SLC5A12: variants seen among roughly 807,000 people sequenced by gnomAD.
SLC5A12 encodes the protein solute carrier family 5 member 12.
In SLC5A12, 46 loss-of-function variants were observed where a neutral mutation model predicts 72.7. The ratio of observed to expected loss-of-function variants is 0.63; its 90% CI spans 0.50 to 0.81. SLC5A12 has a LOEUF of 0.81. SLC5A12 is among the 30% of genes least tolerant of loss of function. The pLI is 0.00. For synonymous variants in SLC5A12, 275 were observed against 264.4 expected (o/e 1.04, Z -0.39); for missense variants, 683 against 740.7 (o/e 0.92, Z 0.90).
chr11:26,680,919 G>T (rs151213988), intron 12 of SLC5A12, 136 bp downstream of exon 12: 4 of 786,000 alleles, frequency 5.1e-6, no homozygotes, highest in Non-Finnish European at 7.3e-6. Flanking sequence ...GCACTCTTCA[G>T]TGCTGGGTAC....
intron 12 of SLC5A12, among the ~76,000 whole-genome samples, chr11:26,679,363 A>G (rs1780062655): frequency 6.6e-6 from 1 of 152,170 alleles, no homozygotes; most frequent in African/African-American, 2.4e-5. Flanking sequence ...AGGGCCAGGA[A>G]TTAGCATTCT....
chr11:26,676,592 G>A (rs1854273143), intron 13 of SLC5A12, among the ~76,000 whole-genome samples: 1 of 151,960 alleles, frequency 6.6e-6, no homozygotes. Context: ...GGGATGTTTT[G>A]GCCACTTGAT....
rs369703011 is a variant in SLC5A12 at position 26,721,489 on chromosome 11, G to A, written c.226C>T (p.Arg76Cys). ...TVLGTPSEVY[R>C]FGASFLVFFI... ...AAGACTAGGAAGGATGCCCCAAAGCGGTAGACTTCAGAAGGGGTCCCCAGG... is the reference window on the plus strand; with the variant it reads ...AAGACTAGGAAGGATGCCCCAAAGCAGTAGACTTCAGAAGGGGTCCCCAGG... Residue 76 changes from arginine to cysteine, a missense_variant, in exon 1 of 15, where the codon CGC becomes TGC. Coordinates refer to ENST00000396005, the MANE Select transcript of SLC5A12 (RefSeq NM_178498.4). 65 of 1,614,014 alleles carry A rather than the reference G, an allele frequency of 4.0e-5. No individual in the cohort carries two copies. The highest frequency in any genetic ancestry group is 3.1e-4 in the East Asian group (14 of 44,864).
chr11:26,709,397 A>C lies in SLC5A12; in HGVS notation c.458-18T>G. 6.3e-7 allele frequency: 1 copy of C among 1,591,188 alleles called. No individual in the cohort carries two copies. The highest frequency in any genetic ancestry group is 8.6e-7 in the Non-Finnish European group (1 of 1,166,580). On this transcript the variant is annotated intron_variant, in intron 3 of 14. Coordinates refer to ENST00000396005, the MANE Select transcript of SLC5A12 (RefSeq NM_178498.4). ...CCCAGTCACTAGGAAAGAAGAAAAA[A>C]ATATTAAAAGAAGTTTCCTTCAAAA...
intron 7 of SLC5A12, among the ~76,000 whole-genome samples, chr11:26,698,079 G>T (rs1163804784): frequency 6.6e-6 from 1 of 151,740 alleles, no homozygotes; most frequent in East Asian, 2.0e-4. Context: ...TGTACTTTTA[G>T]TAGAGACGAT....
chr11:26,718,620 T>TTGTG lies in SLC5A12; in HGVS notation c.339+2752_339+2755dup, dbSNP rs10578471. 4.9e-4 allele frequency among the ~76,000 whole-genome samples: 74 copies of TTGTG among 149,710 alleles called. 1 individual carries two copies. Among genetic ancestry groups the TTGTG allele is most frequent in the African/African-American group, 1.7e-3 (71 of 40,608 alleles). On this transcript the variant is annotated intron_variant, in intron 1 of 14. Transcript: ENST00000396005. ...TGTGCGCCACCATGCCTGGCTAATT[T>TTGTG]TGTGTGTGTGTGTGTGTGTGTGTGT...
chr11:26,716,167 A>G (rs1291565264), intron 1 of SLC5A12: 1 of 152,204 alleles, frequency 6.6e-6, no homozygotes, highest in African/African-American at 2.4e-5. Flanking sequence ...GGCTATTGCT[A>G]TAGGGATCTT....
intron 9 of SLC5A12, among the ~76,000 whole-genome samples, chr11:26,687,239 GT>G (rs1854559205): frequency 6.6e-6 from 1 of 151,282 alleles, no homozygotes; most frequent in African/African-American, 2.4e-5. Context: ...AAAAGTCATT[GT>G]TTTTATACAT....
rs1854880818 is a variant in SLC5A12 at position 26,698,463 on chromosome 11, G to A, written c.894C>T (p.Tyr298=). The change falls in exon 7 of 15, where the codon TAC becomes TAT. Residue 298 remains tyrosine, a synonymous_variant. Coordinates refer to ENST00000396005, the MANE Select transcript of SLC5A12 (RefSeq NM_178498.4). Reference sequence around the variant, plus strand: ...AAGGGTCACAGTCTTTAAAGTGAGAGTACATGATTAAGCCAGAGAAGACAG... The same window carrying A: ...AAGGGTCACAGTCTTTAAAGTGAGAATACATGATTAAGCCAGAGAAGACAG... The part of the protein sequence containing the change: ...VCAVFSGLIM[Y]SHFKDCDPWT... The A allele has an allele frequency of 1.2e-6, 2 of 1,613,908 alleles. No homozygotes were observed. Among genetic ancestry groups the A allele is most frequent in the African/African-American group, 2.7e-5 (2 of 74,900 alleles).
intron 1 of SLC5A12, among the ~76,000 whole-genome samples, chr11:26,716,734 G>T (rs1226313776): frequency 2.0e-5 from 3 of 151,902 alleles, no homozygotes; most frequent in African/African-American, 7.3e-5. Flanking sequence ...CTGGGTGCTT[G>T]CCCCCCACTT....
Position 26,680,306 on chromosome 11 carries a change from T to TATATATATACGTATATATATTC in SLC5A12, c.1475+748_1475+749insGAATATATATACGTATATATAT, listed in dbSNP as rs1854366251. Among the ~76,000 whole-genome samples the TATATATATACGTATATATATTC allele has an allele frequency of 2.3e-4, 5 of 21,306 alleles. 1 individual carries two copies. Among genetic ancestry groups the TATATATATACGTATATATATTC allele is most frequent in the African/African-American group, 4.5e-4 (5 of 11,116 alleles). The allele number at this position is 21,306 out of a possible 152,430, so 14.0% of individuals were successfully genotyped here. On this transcript the variant is annotated intron_variant, in intron 12 of 14. Coordinates refer to ENST00000396005, the MANE Select transcript of SLC5A12 (RefSeq NM_178498.4). ...CTTTATATATATGTATATATATTCA[T>TATATATATACGTATATATATTC]ATATATATATGTATATATATTCATA...
At chr11:26,709,453 G>A (rs959082121) in intron 3 of SLC5A12, 74 bp from the exon 4 acceptor site, 29 of 1,127,778 alleles carry the variant, frequency 2.6e-5, no homozygotes, top group Non-Finnish European at 2.6e-5. Context: ...TGAGGAAAAA[G>A]ACACAATATT....
At chr11:26,695,012 A>C (rs1854775237) in intron 8 of SLC5A12, among the ~76,000 whole-genome samples, 1 of 152,022 alleles carries the variant, frequency 6.6e-6, no homozygotes. Flanking sequence ...ATAGAAATGC[A>C]TCTATTAAAA....
intron 13 of SLC5A12, among the ~76,000 whole-genome samples, chr11:26,678,252 C>A (rs1028755436): frequency 2.0e-5 from 3 of 152,266 alleles, no homozygotes; most frequent in Non-Finnish European, 2.9e-5. Flanking sequence ...GAATATTTAA[C>A]CTTATTTACT....
chr11:26,677,322 C>A (rs1411843295), intron 13 of SLC5A12, among the ~76,000 whole-genome samples: 2 of 152,116 alleles, frequency 1.3e-5, no homozygotes, highest in African/African-American at 2.4e-5. Context: ...AATTTTCAAT[C>A]AAATTTAATA....
Position 26,692,609 on chromosome 11 carries a change from G to A in SLC5A12, c.1041-8C>T, listed in dbSNP as rs1357466797. ...ATGCTGGAAGCCACGGTGCTATAAG[G>A]AAAGAAAAGTGAGAACATGGTCTAA... is the stretch of plus-strand genomic sequence containing the variant. On this transcript the variant is annotated splice_polypyrimidine_tract_variant and splice_region_variant and intron_variant, in intron 8 of 14. Transcript: ENST00000396005. 1 of 1,602,772 alleles carries A rather than the reference G, an allele frequency of 6.2e-7. No individual in the cohort carries two copies. Among genetic ancestry groups the A allele is most frequent in the Non-Finnish European group, 8.5e-7 (1 of 1,169,728 alleles).
rs1294572465 is a variant in SLC5A12, at chr11:26,669,457, AT to A, written c.*1644del. On this transcript the variant is annotated 3_prime_UTR_variant, in exon 15 of 15. Transcript: ENST00000396005. ...ATTCTGCTCCTTCTCATTTTCAGATATTTCTCCAAATGTGACCCCTTTTGAC... is the reference window on the plus strand; with the variant it reads ...ATTCTGCTCCTTCTCATTTTCAGATATTCTCCAAATGTGACCCCTTTTGAC... The A allele has an allele frequency of 1.3e-5, 2 of 151,796 alleles. No individual in the cohort carries two copies. Among genetic ancestry groups the A allele is most frequent in the African/African-American group, 4.8e-5 (2 of 41,372 alleles). 9.4% of individuals were successfully genotyped at this position (151,796 alleles called of 1,614,324 possible).
At chr11:26,693,982 C>A in intron 8 of SLC5A12, among the ~76,000 whole-genome samples, 1 of 152,136 alleles carries the variant, frequency 6.6e-6, no homozygotes, top group East Asian at 1.9e-4. Context: ...CTCCCAAAAT[C>A]TTTGTCTCAA....
At chr11:26,710,067 T>C (rs1855186264) in intron 3 of SLC5A12, among the ~76,000 whole-genome samples, 1 of 152,056 alleles carries the variant, frequency 6.6e-6, no homozygotes, top group Admixed American at 6.6e-5. Flanking sequence ...CCTCCCTGTG[T>C]CCATGTGTTC....
Sources: gnomAD v4.1 joint callset for allele counts (sites outside exome capture counted in the v4.1 genomes callset) on GRCh38, gnomAD v4.1.1 for gene constraint, MANE v1.5 for transcripts, NCBI Gene and HGNC (gene_info 2026-07-23, HGNC 2026-07-21) for gene names.